CACNA2D3: variants seen among roughly 807,000 people sequenced by gnomAD.
CACNA2D3 encodes the protein calcium voltage-gated channel auxiliary subunit alpha2delta 3.
A neutral mutation model predicts 160.6 loss-of-function variants in CACNA2D3; 60 were observed. That is an observed-to-expected ratio of 0.37 (90% CI 0.30 to 0.46). The LOEUF is 0.46. Ranked by LOEUF, CACNA2D3 falls within the 20% of genes least tolerant of loss-of-function variation. CACNA2D3 has a pLI of 1.00. For synonymous variants in CACNA2D3, 558 were observed against 492.9 expected (o/e 1.13, Z -1.75); for missense variants, 1,205 against 1,365.0 (o/e 0.88, Z 1.85).
intron 4 of CACNA2D3, among the ~76,000 whole-genome samples, chr3:54,478,627 GT>G (rs1218836024): frequency 3.9e-4 from 6 of 15,512 alleles, no homozygotes; most frequent in African/African-American, 8.4e-4. Context: ...GCGAGACTCT[GT>G]CTCAAAAAAA....
intron 10 of CACNA2D3, among the ~76,000 whole-genome samples, chr3:54,640,796 C>T (rs561077697): frequency 1.5e-3 from 224 of 152,272 alleles, no homozygotes; most frequent in Non-Finnish European, 2.4e-3. Flanking sequence ...TTATATGCTG[C>T]ATTCTGTACT....
intron 11 of CACNA2D3, among the ~76,000 whole-genome samples, chr3:54,692,120 T>C (rs1700583710): frequency 6.6e-6 from 1 of 152,054 alleles, no homozygotes; most frequent in Non-Finnish European, 1.5e-5. Context: ...ACTACAGGCA[T>C]GCGCCACCAT....
rs117643244 is a variant in CACNA2D3, at chr3:54,559,079, A to G, written c.545-3721A>G. Among the ~76,000 whole-genome samples, 997 of 152,162 alleles carry G rather than the reference A, an allele frequency of 6.6e-3. 18 individuals are homozygous for G. Among genetic ancestry groups the G allele is most frequent in the South Asian group, 0.038 (184 of 4,810 alleles). On this transcript the variant is annotated intron_variant, in intron 5 of 37. Transcript: ENST00000474759. ...TTAATAACTCATGTAGTCATTCTCA[A>G]ACTTTTCATCCTGACACTTGACAGC...
intron 5 of CACNA2D3, among the ~76,000 whole-genome samples, chr3:54,508,459 A>G (rs1701407435): frequency 6.6e-6 from 1 of 152,224 alleles, no homozygotes; most frequent in African/African-American, 2.4e-5. Flanking sequence ...AGCTCCAGTG[A>G]GCATATCAGC....
At chr3:54,348,937 A>G (rs1434889840) in intron 3 of CACNA2D3, among the ~76,000 whole-genome samples, 1 of 152,156 alleles carries the variant, frequency 6.6e-6, no homozygotes. Context: ...TATGTTGGCC[A>G]GGCTGGTCTT....
At chr3:54,156,716 C>G (rs1431581008) in intron 2 of CACNA2D3, among the ~76,000 whole-genome samples, 3 of 152,186 alleles carry the variant, frequency 2.0e-5, no homozygotes, top group African/African-American at 7.2e-5. Flanking sequence ...AGCTGAAGCG[C>G]TGGACAACCG....
intron 11 of CACNA2D3, among the ~76,000 whole-genome samples, chr3:54,658,788 C>G (rs1699918353): frequency 6.6e-6 from 1 of 152,006 alleles, no homozygotes; most frequent in Admixed American, 6.6e-5. Context: ...CAAACCTCCA[C>G]TCACTCCCCG....
chr3:55,052,050 G>T (rs1415235212), intron 35 of CACNA2D3, among the ~76,000 whole-genome samples: 5 of 152,148 alleles, frequency 3.3e-5, no homozygotes, highest in South Asian at 2.1e-4. Context: ...TGGAAATGCC[G>T]AAATGACTGT....
At chr3:54,858,764 C>T (rs749110188) in intron 17 of CACNA2D3, among the ~76,000 whole-genome samples, 1 of 152,092 alleles carries the variant, frequency 6.6e-6, no homozygotes, top group Non-Finnish European at 1.5e-5. Context: ...CCTGTAAAAC[C>T]CTACAGCTGG....
chr3:54,366,622 AT>A (rs746170201), intron 3 of CACNA2D3, among the ~76,000 whole-genome samples: 3 of 152,340 alleles, frequency 2.0e-5, no homozygotes, highest in Admixed American at 1.3e-4. Flanking sequence ...CACTGTGCCC[AT>A]AAAGTAGAGT....
chr3:54,949,699 G>A (rs1269166490), intron 27 of CACNA2D3, among the ~76,000 whole-genome samples: 1 of 152,132 alleles, frequency 6.6e-6, no homozygotes, highest in East Asian at 1.9e-4. Context: ...GTTGGTCAGG[G>A]CCTCAGAAAA....
chr3:54,832,011 TCACACACACACACACACACACACA>T (rs60020847), intron 14 of CACNA2D3, among the ~76,000 whole-genome samples: 2 of 118,954 alleles, frequency 1.7e-5, no homozygotes, highest in South Asian at 6.2e-4. Context: ...CTCTTCTCTG[TCACACACACACACACACACACACA>T]CACACACACA....
At chr3:54,593,568 AAT>A (rs1242146147) in intron 9 of CACNA2D3, among the ~76,000 whole-genome samples, 3 of 152,214 alleles carry the variant, frequency 2.0e-5, no homozygotes, top group African/African-American at 7.2e-5. Flanking sequence ...TCATAAAGAA[AAT>A]ATTTTAAATA....
intron 4 of CACNA2D3, among the ~76,000 whole-genome samples, chr3:54,499,535 C>T (rs988426895): frequency 2.6e-5 from 4 of 152,176 alleles, no homozygotes; most frequent in East Asian, 3.9e-4. Context: ...TCTTCTGATA[C>T]ATGTGTTCAG....
chr3:54,467,932 G>T (rs1195781969), intron 4 of CACNA2D3, among the ~76,000 whole-genome samples: 1 of 152,168 alleles, frequency 6.6e-6, no homozygotes, highest in Admixed American at 6.5e-5. Flanking sequence ...TGGTAATTAT[G>T]CTGATTTTGT....
chr3:54,898,561 G>C (rs1700253605), intron 26 of CACNA2D3, among the ~76,000 whole-genome samples: 1 of 152,116 alleles, frequency 6.6e-6, no homozygotes, highest in Admixed American at 6.6e-5. Context: ...AAAATATCAA[G>C]AGACAGTGAA....
At chr3:54,433,992 C>G (rs2106779352) in intron 4 of CACNA2D3, among the ~76,000 whole-genome samples, 1 of 152,308 alleles carries the variant, frequency 6.6e-6, no homozygotes. Context: ...CGGAAATGAG[C>G]AAGGAGCTAA....
At chr3:54,201,121 T>C (rs1428596801) in intron 2 of CACNA2D3, among the ~76,000 whole-genome samples, 1 of 152,256 alleles carries the variant, frequency 6.6e-6, no homozygotes, top group African/African-American at 2.4e-5. Flanking sequence ...GCAAAACGAA[T>C]GTGAAATCTT....
chr3:54,555,986 C>A (rs1000321948), intron 5 of CACNA2D3, among the ~76,000 whole-genome samples: 1 of 152,070 alleles, frequency 6.6e-6, no homozygotes, highest in Non-Finnish European at 1.5e-5. Context: ...GAATTGTTCC[C>A]ATAAAGAAGA....
Sources: gnomAD v4.1 joint callset for allele counts (sites outside exome capture counted in the v4.1 genomes callset) on GRCh38, gnomAD v4.1.1 for gene constraint, MANE v1.5 for transcripts, NCBI Gene and HGNC (gene_info 2026-07-23, HGNC 2026-07-21) for gene names.